Variants in RHBG observed in about 807,000 individuals in gnomAD.
RHBG encodes the protein Rh family B glycoprotein.
RHBG carries 39 observed loss-of-function variants against 40.1 expected under a neutral mutation model. The ratio of observed to expected loss-of-function variants is 0.97; its 90% confidence interval spans 0.75 to 1.27. The LOEUF (loss-of-function observed/expected upper bound fraction) is 1.27. RHBG is among the 50% of genes most tolerant of loss of function. The probability of loss-of-function intolerance (pLI) is 0.00; values close to 1 mark genes in which losing one functional copy is unlikely to be tolerated. For missense variants in RHBG, 549 were observed against 588.1 expected, an observed-to-expected ratio of 0.93 and a Z score of 0.69; for synonymous variants, 237 against 252.5, an observed-to-expected ratio of 0.94 and a Z score of 0.58.
chr1:156,373,135 G>T (rs1666959292), intron 1 of RHBG, among the ~76,000 whole-genome samples: 1 of 152,240 alleles, frequency 6.6e-6, no homozygotes, highest in African/African-American at 2.4e-5. Flanking sequence ...AATCAAAGGT[G>T]CTTGGGGCTG....
chr1:156,377,226 G>T lies in RHBG; in HGVS notation c.188-75G>T, dbSNP rs1488017990. The T allele has an allele frequency of 7.3e-5, 110 of 1,497,644 alleles. No individual in the cohort carries two copies. Among genetic ancestry groups the T allele is most frequent in the Non-Finnish European group, 1.0e-4 (110 of 1,090,428 alleles). The allele number at this position is 1,497,644 out of a possible 1,614,324, so 92.8% of individuals were successfully genotyped here. ...TGGCTGGTGAGAGCCAGGGGCACTG[G>T]CAGGGTAGCTGACTGGATTGTGGGC... On this transcript the variant is annotated intron_variant, in intron 1 of 9. Coordinates refer to ENST00000537040, the MANE Select transcript of RHBG (RefSeq NM_020407.5). This position sits in a 1 kb window ranked among gnomAD's most constrained non-coding sequence, Gnocchi z 4.6.
At chr1:156,380,307 G>A (rs1571010451) in intron 4 of RHBG, among the ~76,000 whole-genome samples, 2 of 151,784 alleles carry the variant, frequency 1.3e-5, no homozygotes, top group East Asian at 3.9e-4. Context: ...TCACCATGTT[G>A]GTTAGGCTGG....
In RHBG at chr1:156,381,442, T is replaced by A. The variant is rs1667630320; in HGVS notation, c.769T>A (p.Ser257Thr). 2 of 1,613,972 alleles carry A rather than the reference T, an allele frequency of 1.2e-6. No homozygotes were observed. The highest frequency in any genetic ancestry group is 2.2e-5 in the South Asian group (2 of 91,068). ...QHRTALNTYYSLAASTLGTFA... is the reference protein window; with the variant it reads ...QHRTALNTYYTLAASTLGTFA... ...TCGGACGGCCCTCAACACATACTACTCCCTGGCTGCCAGCACCCTTGGCAC... is the reference window on the plus strand; with the variant it reads ...TCGGACGGCCCTCAACACATACTACACCCTGGCTGCCAGCACCCTTGGCAC... The change falls in exon 5 of 10, where the codon TCC (serine) becomes ACC (threonine). Residue 257 changes from serine (S) to threonine (T), a missense_variant. By Grantham distance (58) the Ser-to-Thr change is moderately conservative (BLOSUM62 1). Transcript: ENST00000537040.
At chr1:156,369,750 TA>T (rs995975137) in intron 1 of RHBG, among the ~76,000 whole-genome samples, 9 of 152,180 alleles carry the variant, frequency 5.9e-5, no homozygotes, top group African/African-American at 2.2e-4. Flanking sequence ...AAGCCAGATC[TA>T]GAGCCCCAGC....
At position 156,384,875 on chromosome 1, in the gene RHBG, C is replaced by G. The variant is rs41266155; in HGVS notation, c.*30C>G. 15 of 1,453,456 alleles carry G rather than the reference C, an allele frequency of 1.0e-5. No individual in the cohort carries two copies. The highest frequency in any genetic ancestry group is 5.5e-5 in the Admixed American group (3 of 54,616). The allele number at this position is 1,453,456 out of a possible 1,614,324, so 90.0% of individuals were successfully genotyped here. A position where few individuals can be genotyped will look rare whatever the true frequency, so the allele number is the denominator to read the frequency against. On this transcript the variant is annotated 3_prime_UTR_variant, in exon 10 of 10. Transcript: ENST00000537040. ...CTGCCAGCCCCTGAGAGGACACGCTCCTTTTCGAAGATGCTGACTGGCTGC... is the reference window on the plus strand; with the variant it reads ...CTGCCAGCCCCTGAGAGGACACGCTGCTTTTCGAAGATGCTGACTGGCTGC...
intron 1 of RHBG, among the ~76,000 whole-genome samples, chr1:156,373,607 T>C (rs1294749022): frequency 6.6e-6 from 1 of 152,174 alleles, no homozygotes; most frequent in African/African-American, 2.4e-5. Context: ...TTGTGGAATG[T>C]TCCCAGAGAA....
intron 7 of RHBG, 85 bp downstream of exon 7, chr1:156,382,286 A>G (rs768464258): frequency 1.3e-6 from 2 of 1,589,904 alleles, no homozygotes; most frequent in Non-Finnish European, 1.7e-6. Context: ...TGACCAAGAA[A>G]AAAGAATGAA....
chr1:156,375,264 G>T (rs1220509361), intron 1 of RHBG, among the ~76,000 whole-genome samples: 1 of 151,920 alleles, frequency 6.6e-6, no homozygotes. Flanking sequence ...GTAGAGACGG[G>T]GTTTCGCCAT....
At chr1:156,376,177 A>C (rs979252679) in intron 1 of RHBG, among the ~76,000 whole-genome samples, 1 of 152,158 alleles carries the variant, frequency 6.6e-6, no homozygotes, top group Non-Finnish European at 1.5e-5. Context: ...TTCATCTATA[A>C]AGTTAAAATA....
chr1:156,378,082 C>T lies in RHBG; in HGVS notation c.467C>T (p.Ala156Val), dbSNP rs753610900. 4 of 1,611,444 alleles carry T rather than the reference C, an allele frequency of 2.5e-6. No homozygotes were observed. In the East Asian group the frequency reaches 8.9e-5, roughly 36 times the overall value. ...GGGCCTACCCAGCTGCTGCTCATGGCCCTGCTGGAGGTGGTGCTGTTTGGC... is the reference window on the plus strand; with the variant it reads ...GGGCCTACCCAGCTGCTGCTCATGGTCCTGCTGGAGGTGGTGCTGTTTGGC... ...KTGPTQLLLM[A>V]LLEVVLFGIN... Residue 156 changes from alanine (A) to valine (V), a missense_variant, in exon 3 of 10, where the codon GCC (alanine) becomes GTC (valine). Around this residue, in one of 3 missense-constraint regions of RHBG, gnomAD observed 399 missense variants for 417.0 expected, o/e 0.96. Transcript: ENST00000537040.
chr1:156,381,338 A>G lies in RHBG; in HGVS notation c.674-9A>G. ...TTCTTCTCACTCTGCCTGTCTGTCC[A>G]CCATCTAGGGACCATCTTCCTGTGG... On this transcript the variant is annotated splice_polypyrimidine_tract_variant and intron_variant, in intron 4 of 9. Transcript: ENST00000537040. 1 of 1,613,870 alleles carries G rather than the reference A, an allele frequency of 6.2e-7. No individual in the cohort carries two copies. The highest frequency in any genetic ancestry group is 8.5e-7 in the Non-Finnish European group (1 of 1,180,000).
Position 156,381,922 on chromosome 1 carries a change from G to A in RHBG, c.957G>A (p.Thr319=), listed in dbSNP as rs752492076. 30 of 1,611,392 alleles carry A rather than the reference G, an allele frequency of 1.9e-5. No individual in the cohort carries two copies. Among genetic ancestry groups the A allele is most frequent in the East Asian group, 8.9e-5 (4 of 44,872 alleles). The change falls in exon 6 of 10, where the codon ACG becomes ACA. Residue 319 remains threonine, a synonymous_variant. Coordinates refer to ENST00000537040, the MANE Select transcript of RHBG (RefSeq NM_020407.5). ...AAGFLAGTVS[T]LGYKFFTPIL... is the part of the protein sequence containing the mutation. ...GCTTCTTGGCTGGGACTGTCTCCAC[G>A]CTGGGGTACAAGTTCTTCACGGTAT... is the stretch of plus-strand genomic sequence containing the variant.
Position 156,378,002 on chromosome 1 carries a change from T to C in RHBG, c.387T>C (p.Ala129=). The change falls in exon 3 of 10, where the codon GCT becomes GCC. Residue 129 remains alanine (A), a synonymous_variant. Transcript: ENST00000537040. ...GCCCCATCCCCAGCATGATCAATGCTGACTTTTGTGCGGGGGCCGTGCTCA... is the reference window on the plus strand; with the variant it reads ...GCCCCATCCCCAGCATGATCAATGCCGACTTTTGTGCGGGGGCCGTGCTCA... ...IHVGVESMIN[A]DFCAGAVLIS... 6.5e-7 allele frequency: 1 copy of C among 1,548,572 alleles called. No individual in the cohort carries two copies. Among genetic ancestry groups the C allele is most frequent in the Non-Finnish European group, 8.7e-7 (1 of 1,144,664 alleles).
intron 5 of RHBG, 50 bp downstream of exon 5, chr1:156,381,563 G>T: frequency 6.4e-7 from 1 of 1,555,608 alleles, no homozygotes; most frequent in Non-Finnish European, 8.7e-7. Flanking sequence ...CTGGGCAGGG[G>T]AGGAGAGGTC....
At chr1:156,373,347 G>T (rs901971980) in intron 1 of RHBG, among the ~76,000 whole-genome samples, 1 of 151,642 alleles carries the variant, frequency 6.6e-6, no homozygotes, top group Non-Finnish European at 1.5e-5. Context: ...GATTGCTTGA[G>T]CCCAGGAGGT....
At chr1:156,371,390 C>G (rs1666853414) in intron 1 of RHBG, 5 of 306,216 alleles carry the variant, frequency 1.6e-5, no homozygotes, top group South Asian at 1.3e-4. Context: ...GAATTCCTGA[C>G]CTCAGGTGAT....
chr1:156,385,153 A>G lies in RHBG; in HGVS notation c.*308A>G. 3.2e-6 allele frequency: 1 copy of G among 315,690 alleles called. No individual in the cohort carries two copies. The highest frequency in any genetic ancestry group is 6.0e-6 in the Non-Finnish European group (1 of 166,382). 19.6% of individuals were successfully genotyped at this position (315,690 alleles called of 1,614,324 possible). A position where few individuals can be genotyped will look rare whatever the true frequency, so the allele number is the denominator to read the frequency against. On this transcript the variant is annotated 3_prime_UTR_variant, in exon 10 of 10. Transcript: ENST00000537040. ...GGCACCCAAGTGATCCACTGGCCCC[A>G]CGTCACACAGTTACAGTGAAGCCCA...
In RHBG at chr1:156,377,398, C is replaced by G; in HGVS notation, c.285C>G (p.Leu95=). 1 of 1,614,240 alleles carries G rather than the reference C, an allele frequency of 6.2e-7. No individual in the cohort carries two copies. The highest frequency in any genetic ancestry group is 8.5e-7 in the Non-Finnish European group (1 of 1,180,040). The change falls in exon 2 of 10, where the codon CTC becomes CTG. Residue 95 remains leucine (L), a synonymous_variant. Transcript: ENST00000537040. This position sits in a 1 kb window ranked among gnomAD's most constrained non-coding sequence, Gnocchi z 4.6. ...YGFSSVGFTF[L]LAAFALQWST... The stretch of plus-strand genomic sequence containing the variant: ...TCAGCAGCGTGGGCTTCACCTTCCT[C>G]CTGGCCGCCTTTGCCCTGCAGTGGT...
chr1:156,375,986 T>C (rs1024360142), intron 1 of RHBG, among the ~76,000 whole-genome samples: 1 of 152,054 alleles, frequency 6.6e-6, no homozygotes, highest in African/African-American at 2.4e-5. Context: ...CCTCAAGCAG[T>C]CTTCCCTACT....
Sources: allele counts gnomAD v4.1 joint callset (sites outside exome capture counted in the v4.1 genomes callset), GRCh38; gene constraint gnomAD v4.1.1; regional missense constraint gnomAD v4.1.1; non-coding constraint Gnocchi (gnomAD v3.1); transcripts MANE v1.5; gene names NCBI Gene and HGNC (gene_info 2026-07-23, HGNC 2026-07-21).